The following MMP16 variants were observed in gnomAD, a reference collection of about 807,000 sequenced individuals.
MMP16 encodes the protein matrix metallopeptidase 16.
A neutral mutation model predicts 67.8 loss-of-function variants in MMP16; 12 were observed. The ratio of observed to expected loss-of-function variants is 0.18; its 90% confidence interval spans 0.11 to 0.29. The LOEUF (loss-of-function observed/expected upper bound fraction) is 0.29. Among genes scored for constraint, MMP16 ranks in the 10% least tolerant of loss-of-function variants. MMP16 has a pLI of 1.00. For synonymous variants in MMP16, 249 were observed against 255.9 expected, an observed-to-expected ratio of 0.97 and a Z score of 0.26; for missense variants, 475 against 765.7, an observed-to-expected ratio of 0.62 and a Z score of 4.48.
At chr8:88,162,362 T>A (rs1808641378) in intron 4 of MMP16, among the ~76,000 whole-genome samples, 1 of 152,048 alleles carries the variant, frequency 6.6e-6, no homozygotes, top group African/African-American at 2.4e-5. Flanking sequence ...AACAAACATA[T>A]ATAAATCCTC....
chr8:88,141,673 C>T, intron 4 of MMP16, among the ~76,000 whole-genome samples: 1 of 152,226 alleles, frequency 6.6e-6, no homozygotes, highest in Admixed American at 6.5e-5. Context: ...TTCAGTAATA[C>T]TATTATTATT....
chr8:88,325,275 CT>C (rs1213409306), intron 1 of MMP16, among the ~76,000 whole-genome samples: 3 of 152,116 alleles, frequency 2.0e-5, no homozygotes, highest in Non-Finnish European at 4.4e-5. Context: ...GAAATACAAT[CT>C]TTTATGTTTA....
At chr8:88,078,156 T>C (rs1196586959) in intron 6 of MMP16, among the ~76,000 whole-genome samples, 2 of 152,034 alleles carry the variant, frequency 1.3e-5, no homozygotes, top group African/African-American at 2.4e-5. Flanking sequence ...TTGGCCCTTA[T>C]AGAAGGAGGT....
In MMP16 at chr8:88,166,445, T is replaced by C. The variant is rs143385714; in HGVS notation, c.709+1224A>G. 2.0e-4 allele frequency among the ~76,000 whole-genome samples: 30 copies of C among 151,926 alleles called. 1 individual carries two copies. In the East Asian group the frequency reaches 5.8e-3, roughly 30 times the overall value. On this transcript the variant is annotated intron_variant, in intron 4 of 9. Coordinates refer to ENST00000286614, the MANE Select transcript of MMP16 (RefSeq NM_005941.5). ...ACTAGGAAGAAACACATGCCTCTTATATTAAGTAACCACTCTCATATTAAG... is the reference window on the plus strand; with the variant it reads ...ACTAGGAAGAAACACATGCCTCTTACATTAAGTAACCACTCTCATATTAAG...
intron 6 of MMP16, among the ~76,000 whole-genome samples, chr8:88,105,625 A>G (rs1171707706): frequency 6.6e-6 from 1 of 151,530 alleles, no homozygotes; most frequent in Non-Finnish European, 1.5e-5. Flanking sequence ...CACTTCTCTC[A>G]TTCATGGTAG....
At chr8:88,256,793 T>C (rs779130194) in intron 1 of MMP16, among the ~76,000 whole-genome samples, 5 of 152,022 alleles carry the variant, frequency 3.3e-5, no homozygotes, top group African/African-American at 4.8e-5. Context: ...GCAATACAAA[T>C]GTCCACATTT....
chr8:88,140,622 T>C (rs1332022704), intron 4 of MMP16, among the ~76,000 whole-genome samples: 2 of 152,174 alleles, frequency 1.3e-5, no homozygotes, highest in African/African-American at 4.8e-5. Flanking sequence ...ATGAATAACA[T>C]CCTACTGAAT....
rs769245900 is a variant in MMP16 at position 88,246,998 on chromosome 8, T to C, written c.133-49692A>G. On this transcript the variant is annotated intron_variant, in intron 1 of 9. Coordinates refer to ENST00000286614, the MANE Select transcript of MMP16 (RefSeq NM_005941.5). ...GAATGGACAACTCTTCATTTGAAAT[T>C]GTTACAAAATAAGACAGTGAATCAG... Among the ~76,000 whole-genome samples the C allele has an allele frequency of 9.6e-4, 146 of 152,250 alleles. 1 individual carries two copies. Among genetic ancestry groups the C allele is most frequent in the Middle Eastern group, 3.4e-3 (1 of 294 alleles).
At chr8:88,282,242 T>G (rs1810753932) in intron 1 of MMP16, among the ~76,000 whole-genome samples, 1 of 152,020 alleles carries the variant, frequency 6.6e-6, no homozygotes, top group South Asian at 2.1e-4. Flanking sequence ...ACCCAGCTAA[T>G]TTTTGTATTT....
rs1393096737 is a variant in MMP16, at chr8:88,260,579, T to TAAATGA, written c.133-63279_133-63274dup. ...ATTATCTCTCCATAGTCTAAAATCC[T>TAAATGA]AAATGACTTTATCAGTTTACAAATA... On this transcript the variant is annotated intron_variant, in intron 1 of 9. Coordinates refer to ENST00000286614, the MANE Select transcript of MMP16 (RefSeq NM_005941.5). Among the ~76,000 whole-genome samples, 3 of 152,108 alleles carry TAAATGA rather than the reference T, an allele frequency of 2.0e-5. No homozygotes were observed. The South Asian group carries it at 6.2e-4, about 32-fold the overall frequency.
rs763022004 is a variant in MMP16, at chr8:88,118,746, G to T, written c.825C>A (p.Asn275Lys). Residue 275 changes from asparagine (N) to lysine (K), a missense_variant, in exon 5 of 10, where the codon AAC becomes AAA. By Grantham distance (94) the Asn-to-Lys change is moderately conservative. Transcript: ENST00000286614. ...APFYQYMETD[N>K]FKLPNDDLQG... The stretch of plus-strand genomic sequence containing the variant: ...GTAAATCATCATTAGGTAGTTTGAA[G>T]TTGTCTGTTTCCATGTACTGGTAAA... 8.7e-6 allele frequency: 14 copies of T among 1,613,432 alleles called. No homozygotes were observed. The highest frequency in any genetic ancestry group is 1.2e-5 in the Non-Finnish European group (14 of 1,179,558).
intron 1 of MMP16, among the ~76,000 whole-genome samples, chr8:88,312,718 C>T (rs1229831837): frequency 6.6e-6 from 1 of 152,100 alleles, no homozygotes; most frequent in Non-Finnish European, 1.5e-5. Context: ...TTTGTAATCC[C>T]AACACTTTGG....
At chr8:88,159,351 G>A (rs1239755428) in intron 4 of MMP16, among the ~76,000 whole-genome samples, 1 of 152,012 alleles carries the variant, frequency 6.6e-6, no homozygotes, top group East Asian at 1.9e-4. Context: ...TTGAGCAGTG[G>A]TTTGTAGTTC....
intron 4 of MMP16, among the ~76,000 whole-genome samples, chr8:88,130,377 T>C (rs1430277836): frequency 6.6e-6 from 1 of 151,814 alleles, no homozygotes; most frequent in African/African-American, 2.4e-5. Context: ...AAGGATATGA[T>C]GTAACCTAAG....
At chr8:88,323,822 A>G (rs1256909581) in intron 1 of MMP16, among the ~76,000 whole-genome samples, 1 of 151,954 alleles carries the variant, frequency 6.6e-6, no homozygotes, top group East Asian at 1.9e-4. Context: ...AAATCCCTAT[A>G]TGAGATAGCT....
intron 1 of MMP16, among the ~76,000 whole-genome samples, chr8:88,242,830 GTAGA>G (rs1810054317): frequency 6.6e-6 from 1 of 152,176 alleles, no homozygotes; most frequent in Non-Finnish European, 1.5e-5. Context: ...AGGCTGGTTA[GTAGA>G]TAGACAGGTG....
chr8:88,305,261 T>G (rs2130052875), intron 1 of MMP16, among the ~76,000 whole-genome samples: 1 of 152,340 alleles, frequency 6.6e-6, no homozygotes, highest in Non-Finnish European at 1.5e-5. Context: ...CAAATATATA[T>G]GCACCCAATA....
chr8:88,041,891 G>T lies in MMP16; in HGVS notation c.1490-96C>A. 1 of 896,868 alleles carries T rather than the reference G, an allele frequency of 1.1e-6. No individual in the cohort carries two copies. Among genetic ancestry groups the T allele is most frequent in the Non-Finnish European group, 1.7e-6 (1 of 595,372 alleles). The allele number at this position is 896,868 out of a possible 1,614,324, so 55.6% of individuals were successfully genotyped here. A position where few individuals can be genotyped will look rare whatever the true frequency, so the allele number is the denominator to read the frequency against. On this transcript the variant is annotated intron_variant, in intron 9 of 9. Transcript: ENST00000286614. This position sits in a 1 kb window ranked among gnomAD's most constrained non-coding sequence, Gnocchi z 6.0. ...TAAAATAGGCTATGTCTTAAGAGAT[G>T]TATTTTAAGGCCCTTTAATTTTCAT...
chr8:88,063,482 C>A (rs544172906), intron 7 of MMP16, among the ~76,000 whole-genome samples: 2 of 136,794 alleles, frequency 1.5e-5, no homozygotes, highest in East Asian at 4.3e-4. Context: ...ACCTAATAAC[C>A]TTTTTTTTTT....
Sources: gnomAD v4.1 joint callset for allele counts (sites outside exome capture counted in the v4.1 genomes callset) on GRCh38, gnomAD v4.1.1 for gene constraint, Gnocchi (gnomAD v3.1) non-coding constraint, MANE v1.5 for transcripts, NCBI Gene and HGNC (gene_info 2026-07-23, HGNC 2026-07-21) for gene names.